TMEM132B: variants seen among roughly 807,000 people sequenced by gnomAD.
TMEM132B encodes the protein transmembrane protein 132B.
Under a neutral mutation model 90.8 loss-of-function variants are expected in TMEM132B, and 18 were observed. The ratio of observed to expected loss-of-function variants is 0.20; its 90% CI spans 0.14 to 0.29. The LOEUF (loss-of-function observed/expected upper bound fraction) is 0.29, where lower values mean the gene tolerates loss of function less well. TMEM132B is among the 10% of genes least tolerant of loss of function. The pLI, the probability that TMEM132B is intolerant of heterozygous loss-of-function variation, is 1.00. For missense variants in TMEM132B, 1,096 were observed against 1,326.8 expected (o/e 0.83, Z 2.70); for synonymous variants, 504 against 523.3 (o/e 0.96, Z 0.50).
At chr12:125,466,707 T>A (rs1022735104) in intron 3 of TMEM132B, among the ~76,000 whole-genome samples, 1 of 152,216 alleles carries the variant, frequency 6.6e-6, no homozygotes, top group Non-Finnish European at 1.5e-5. Flanking sequence ...TCTTATCACT[T>A]GGAATGGCAG....
At chr12:125,399,481 GTA>G (rs376711167) in intron 2 of TMEM132B, among the ~76,000 whole-genome samples, 4,483 of 46,940 alleles carry the variant, frequency 0.096, 158 homozygotes, top group East Asian at 0.24. Context: ...GTGTGTGTGT[GTA>G]TGTGTGTGTG....
chr12:125,519,717 A>T, intron 4 of TMEM132B, 92 bp downstream of exon 4: 1 of 1,316,120 alleles, frequency 7.6e-7, no homozygotes, highest in Non-Finnish European at 1.1e-6. Flanking sequence ...CACATACCTG[A>T]TACACTGTTT....
intron 4 of TMEM132B, among the ~76,000 whole-genome samples, chr12:125,573,257 C>T (rs1431862209): frequency 2.6e-5 from 4 of 152,182 alleles, no homozygotes; most frequent in Non-Finnish European, 5.9e-5. Flanking sequence ...CTACGTTATA[C>T]ATAGGTAGAC....
intron 3 of TMEM132B, among the ~76,000 whole-genome samples, chr12:125,467,977 G>A (rs1881612998): frequency 6.6e-6 from 1 of 151,652 alleles, no homozygotes; most frequent in Admixed American, 6.5e-5. Flanking sequence ...TTCATTTTAT[G>A]GACAGACCAC....
chr12:125,324,570 G>A (rs572370306), intron 1 of TMEM132B, among the ~76,000 whole-genome samples: 3 of 151,670 alleles, frequency 2.0e-5, no homozygotes, highest in African/African-American at 7.3e-5. Flanking sequence ...CAGCAGGCTA[G>A]CGAGCATTAC....
chr12:125,203,898 AG>A (rs1349658993), intron 1 of TMEM132B, among the ~76,000 whole-genome samples: 2 of 152,226 alleles, frequency 1.3e-5, no homozygotes, highest in African/African-American at 4.8e-5. Flanking sequence ...TACTTTGAAC[AG>A]GGAAACTTTA....
intron 1 of TMEM132B, among the ~76,000 whole-genome samples, chr12:125,278,216 T>A (rs1875057362): frequency 6.6e-6 from 1 of 152,258 alleles, no homozygotes; most frequent in African/African-American, 2.4e-5. Context: ...ACATATTGTC[T>A]ACGGTTGCTT....
chr12:125,517,348 TTTTTTTTTTTTTTTTTTGCA>T (rs1883190352), intron 3 of TMEM132B, among the ~76,000 whole-genome samples: 1 of 66,440 alleles, frequency 1.5e-5, no homozygotes, highest in Admixed American at 1.3e-4. Flanking sequence ...TTTTTTTTTT[TTTTTTTTTTTTTTTTTTGCA>T]TTTTTAGTAG....
chr12:125,188,705 C>T (rs926881523), intron 1 of TMEM132B, among the ~76,000 whole-genome samples: 4 of 152,036 alleles, frequency 2.6e-5, no homozygotes, highest in East Asian at 3.9e-4. Context: ...CAGGGCAGCT[C>T]GTTCCGACAA....
intron 6 of TMEM132B, among the ~76,000 whole-genome samples, chr12:125,649,147 T>C (rs4765268): frequency 0.55 from 83,183 of 152,088 alleles, 24,069 homozygotes; most frequent in African/African-American, 0.74. Flanking sequence ...AAAATTGTTA[T>C]GCTATTGTGC....
At position 125,445,587 on chromosome 12, in the gene TMEM132B, T is replaced by C. The variant is rs1210161278; in HGVS notation, c.1106+29910T>C. Among the ~76,000 whole-genome samples the C allele has an allele frequency of 6.6e-6, 1 of 152,204 alleles. No individual in the cohort carries two copies. Among genetic ancestry groups the C allele is most frequent in the Non-Finnish European group, 1.5e-5 (1 of 68,040 alleles). On this transcript the variant is annotated intron_variant, in intron 3 of 8. Coordinates refer to ENST00000682704, the MANE Select transcript of TMEM132B (RefSeq NM_001366854.1). This position sits in a 1 kb window ranked among gnomAD's most constrained non-coding sequence, Gnocchi z 4.3. ...TCCTGCTGACATCTGGCTGCAGTGG[T>C]GCATGGGCAGGACATCCAGTGTTAG...
chr12:125,391,748 A>T (rs972789699), intron 2 of TMEM132B, among the ~76,000 whole-genome samples: 2 of 152,184 alleles, frequency 1.3e-5, no homozygotes, highest in Non-Finnish European at 2.9e-5. Flanking sequence ...GATTCCCTCC[A>T]GTTAAATTAA....
intron 4 of TMEM132B, among the ~76,000 whole-genome samples, chr12:125,527,903 GT>G (rs1245956869): frequency 6.6e-6 from 1 of 152,214 alleles, no homozygotes; most frequent in Non-Finnish European, 1.5e-5. Context: ...ATGGATGAAA[GT>G]TTTGAAGTTG....
intron 4 of TMEM132B, among the ~76,000 whole-genome samples, chr12:125,571,109 G>T (rs1884781835): frequency 6.6e-6 from 1 of 152,210 alleles, no homozygotes; most frequent in Non-Finnish European, 1.5e-5. Context: ...GCTGGGAAAA[G>T]AAATGCGATT....
intron 5 of TMEM132B, among the ~76,000 whole-genome samples, chr12:125,622,919 G>A (rs1034171548): frequency 8.5e-5 from 13 of 152,066 alleles, no homozygotes; most frequent in African/African-American, 3.1e-4. Context: ...GAAAACACAA[G>A]CCCTGCAGTT....
In TMEM132B at chr12:125,335,294, T is replaced by C. The variant is rs141079026; in HGVS notation, c.68-14158T>C. 3.5e-4 allele frequency among the ~76,000 whole-genome samples: 54 copies of C among 152,360 alleles called. No homozygotes were observed. The South Asian group carries it at 3.9e-3, about 11-fold the overall frequency. Reference sequence around the variant, plus strand: ...TATTTGAAAAATAGAGATTTTTTGTTGTTTCCTACCTAGAATTCCCTTGTT... The same window carrying C: ...TATTTGAAAAATAGAGATTTTTTGTCGTTTCCTACCTAGAATTCCCTTGTT... On this transcript the variant is annotated intron_variant, in intron 1 of 8. Transcript: ENST00000682704.
At chr12:125,564,161 T>A (rs997584106) in intron 4 of TMEM132B, among the ~76,000 whole-genome samples, 4 of 152,246 alleles carry the variant, frequency 2.6e-5, no homozygotes, top group Non-Finnish European at 5.9e-5. Flanking sequence ...TTCATTAATT[T>A]GAGTCCTGAA....
chr12:125,483,034 G>A lies in TMEM132B; in HGVS notation c.1107-36405G>A, dbSNP rs550028615. 3.2e-3 allele frequency among the ~76,000 whole-genome samples: 428 copies of A among 132,288 alleles called. 3 individuals are homozygous for A. The highest frequency in any genetic ancestry group is 0.011 in the African/African-American group (410 of 36,006). The allele number at this position is 132,288 out of a possible 152,430, so 86.8% of individuals were successfully genotyped here. ...ACCGCATGTTCTCACTCATAGGTGG[G>A]AATTGAACAATGAGAACACTTGGAC... On this transcript the variant is annotated intron_variant, in intron 3 of 8. Transcript: ENST00000682704.
At chr12:125,617,572 C>G (rs1009137571) in intron 5 of TMEM132B, among the ~76,000 whole-genome samples, 1 of 152,002 alleles carries the variant, frequency 6.6e-6, no homozygotes, top group Non-Finnish European at 1.5e-5. Context: ...CTCAAACTCC[C>G]GACCTCAGGT....
Sources: allele counts gnomAD v4.1 joint callset (sites outside exome capture counted in the v4.1 genomes callset), GRCh38; gene constraint gnomAD v4.1.1; non-coding constraint Gnocchi (gnomAD v3.1); transcripts MANE v1.5; gene names NCBI Gene and HGNC (gene_info 2026-07-23, HGNC 2026-07-21).